CSMD1: variants seen among roughly 807,000 people sequenced by gnomAD.
CSMD1 encodes the protein CUB and sushi domain-containing protein 1.
Under a neutral mutation model 417.5 loss-of-function variants are expected in CSMD1, and 213 were observed. That is an observed-to-expected ratio of 0.51 (90% confidence interval 0.46 to 0.57). CSMD1 has a LOEUF of 0.57. Ranked by LOEUF, CSMD1 falls within the 20% of genes least tolerant of loss-of-function variation. The pLI, the probability that CSMD1 is intolerant of heterozygous loss-of-function variation, is 0.00. For synonymous variants in CSMD1, 2,862 were observed against 1,736.8 expected (o/e 1.65, Z -16.11); for missense variants, 6,923 against 4,529.7 (o/e 1.53, Z -15.17).
At chr8:3,286,252 G>A (rs947365930) in intron 25 of CSMD1, among the ~76,000 whole-genome samples, 1 of 152,156 alleles carries the variant, frequency 6.6e-6, no homozygotes, top group Non-Finnish European at 1.5e-5. Flanking sequence ...TTGGTTCCAA[G>A]TCTTTGCTAT....
chr8:3,502,472 T>G (rs1401804648), intron 10 of CSMD1, among the ~76,000 whole-genome samples: 1 of 152,168 alleles, frequency 6.6e-6, no homozygotes, highest in African/African-American at 2.4e-5. Flanking sequence ...CAATATGTCC[T>G]TCAGCAGGTG....
rs1302694510 is a variant in CSMD1, at chr8:4,914,540, T to G, written c.85+79792A>C. On this transcript the variant is annotated intron_variant, in intron 1 of 69. Coordinates refer to ENST00000635120, the MANE Select transcript of CSMD1 (RefSeq NM_033225.6). ...TTGCAGTGAGCTGAGATCGCGCCAC[T>G]GCACTCCAGCCTGGGAGACAGCGAG... Among the ~76,000 whole-genome samples, 6 of 143,928 alleles carry G rather than the reference T, an allele frequency of 4.2e-5. 1 individual carries two copies. In the South Asian group the frequency reaches 1.3e-3, roughly 31 times the overall value. The allele number at this position is 143,928 out of a possible 152,430, so 94.4% of individuals were successfully genotyped here.
chr8:4,127,882 T>C (rs1802859677), intron 3 of CSMD1, among the ~76,000 whole-genome samples: 4 of 152,214 alleles, frequency 2.6e-5, no homozygotes, highest in South Asian at 2.1e-4. Context: ...TGCCAGCAAA[T>C]GGTGAAGGCA....
chr8:4,780,974 T>C (rs980447464), intron 1 of CSMD1, among the ~76,000 whole-genome samples: 3 of 152,220 alleles, frequency 2.0e-5, no homozygotes, highest in African/African-American at 4.8e-5. Flanking sequence ...TTTGTCACTA[T>C]CTCTCAATCA....
chr8:3,331,200 T>C (rs920337497), intron 23 of CSMD1, among the ~76,000 whole-genome samples: 1 of 145,168 alleles, frequency 6.9e-6, no homozygotes, highest in Non-Finnish European at 1.5e-5. Flanking sequence ...ATCGTGCCAC[T>C]GCACTCCAGC....
intron 3 of CSMD1, among the ~76,000 whole-genome samples, chr8:4,276,992 A>AC (rs1796522770): frequency 6.6e-6 from 1 of 152,102 alleles, no homozygotes; most frequent in South Asian, 2.1e-4. Context: ...AAAAAGATAA[A>AC]CTCCAGGTTA....
chr8:4,533,029 C>T (rs1417648849), intron 2 of CSMD1, among the ~76,000 whole-genome samples: 1 of 152,202 alleles, frequency 6.6e-6, no homozygotes, highest in Non-Finnish European at 1.5e-5. Context: ...TCCGGAGTTT[C>T]TCCTCCCTAG....
chr8:3,481,626 A>G (rs1817754578), intron 11 of CSMD1, among the ~76,000 whole-genome samples: 1 of 152,188 alleles, frequency 6.6e-6, no homozygotes, highest in Non-Finnish European at 1.5e-5. Context: ...ATTGTCCTGA[A>G]TGATGTAGGT....
chr8:4,631,267 C>G (rs1485325322), intron 2 of CSMD1, among the ~76,000 whole-genome samples: 2 of 152,096 alleles, frequency 1.3e-5, no homozygotes, highest in African/African-American at 4.8e-5. Flanking sequence ...GAGGCTGAGG[C>G]AGGAGAATCG....
At chr8:3,066,652 C>G (rs1812954951) in intron 49 of CSMD1, among the ~76,000 whole-genome samples, 1 of 152,140 alleles carries the variant, frequency 6.6e-6, no homozygotes, top group Non-Finnish European at 1.5e-5. Context: ...TTTAAAAACA[C>G]AGGACACAAT....
chr8:4,781,540 C>G (rs556490107), intron 1 of CSMD1, among the ~76,000 whole-genome samples: 1 of 152,196 alleles, frequency 6.6e-6, no homozygotes, highest in Non-Finnish European at 1.5e-5. Flanking sequence ...ATCATAAGGC[C>G]AATAGGATAA....
intron 2 of CSMD1, among the ~76,000 whole-genome samples, chr8:4,579,733 T>C (rs1401828638): frequency 6.6e-6 from 1 of 152,152 alleles, no homozygotes; most frequent in Admixed American, 6.5e-5. Flanking sequence ...CATGGTGAAT[T>C]TCCATGTAAA....
At chr8:4,253,674 C>T (rs1016712532) in intron 3 of CSMD1, among the ~76,000 whole-genome samples, 4 of 151,722 alleles carry the variant, frequency 2.6e-5, no homozygotes, top group Non-Finnish European at 5.9e-5. Flanking sequence ...TTGCAACATA[C>T]ATTGATTCTG....
rs368853101 is a variant in CSMD1, at chr8:3,345,680, G to C, written c.3475-2230C>G. Among the ~76,000 whole-genome samples, 162 of 152,270 alleles carry C rather than the reference G, an allele frequency of 1.1e-3. 4 individuals are homozygous for C. In the South Asian group the frequency reaches 0.032, roughly 30 times the overall value. ...GGATTCATATGTTTAATACAAGCCTGTAAGTATCTGCACTACAAACCCTCC... is the reference window on the plus strand; with the variant it reads ...GGATTCATATGTTTAATACAAGCCTCTAAGTATCTGCACTACAAACCCTCC... On this transcript the variant is annotated intron_variant, in intron 22 of 69. Coordinates refer to ENST00000635120, the MANE Select transcript of CSMD1 (RefSeq NM_033225.6).
chr8:4,102,353 T>C (rs1348241215), intron 3 of CSMD1, among the ~76,000 whole-genome samples: 2 of 152,216 alleles, frequency 1.3e-5, no homozygotes, highest in South Asian at 2.1e-4. Context: ...TGCTTTGTTT[T>C]TCCTTGCAAG....
intron 1 of CSMD1, among the ~76,000 whole-genome samples, chr8:4,942,617 T>A (rs1271952904): frequency 6.6e-6 from 1 of 152,226 alleles, no homozygotes; most frequent in Non-Finnish European, 1.5e-5. Flanking sequence ...AATGTTCCAA[T>A]ATGGATCTTG....
chr8:4,960,643 C>T (rs1049827131), intron 1 of CSMD1, among the ~76,000 whole-genome samples: 3 of 152,080 alleles, frequency 2.0e-5, no homozygotes, highest in Non-Finnish European at 4.4e-5. Flanking sequence ...ATCCATATAT[C>T]CATACATATG....
At chr8:3,573,025 A>T (rs1412703538) in intron 10 of CSMD1, among the ~76,000 whole-genome samples, 3 of 113,740 alleles carry the variant, frequency 2.6e-5, no homozygotes, top group African/African-American at 9.2e-5. Flanking sequence ...TTCAAATTGA[A>T]ATAAAACTCT....
rs1012487084 is a variant in CSMD1 at position 2,937,421 on chromosome 8, A to G, written c.*1164T>C. 5.7e-5 allele frequency: 8 copies of G among 140,608 alleles called. No individual in the cohort carries two copies. The South Asian group carries it at 2.0e-3, about 34-fold the overall frequency. 8.7% of individuals were successfully genotyped at this position (140,608 alleles called of 1,614,324 possible). A position where few individuals can be genotyped will look rare whatever the true frequency, so the allele number is the denominator to read the frequency against. ...TCTTTCAATGCAATATCAAAGATCGATGGCACAGTAAAAGACAAAAAAAAA... is the reference window on the plus strand; with the variant it reads ...TCTTTCAATGCAATATCAAAGATCGGTGGCACAGTAAAAGACAAAAAAAAA... On this transcript the variant is annotated 3_prime_UTR_variant, in exon 70 of 70. Coordinates refer to ENST00000635120, the MANE Select transcript of CSMD1 (RefSeq NM_033225.6).
Sources: allele counts gnomAD v4.1 joint callset (sites outside exome capture counted in the v4.1 genomes callset), GRCh38; gene constraint gnomAD v4.1.1; transcripts MANE v1.5; gene names NCBI Gene and HGNC (gene_info 2026-07-23, HGNC 2026-07-21).